The following BCAN variants were observed in gnomAD, a reference collection of about 807,000 sequenced individuals.
BCAN encodes brevican.
A neutral mutation model predicts 92.4 loss-of-function variants in BCAN; 51 were observed. The ratio of observed to expected loss-of-function variants is 0.55; its 90% CI spans 0.44 to 0.70. The LOEUF (loss-of-function observed/expected upper bound fraction) is 0.70, where lower values mean the gene tolerates loss of function less well. Ranked by LOEUF, BCAN falls within the 30% of genes least tolerant of loss-of-function variation. BCAN has a pLI of 0.00. For synonymous variants in BCAN, 501 were observed against 505.2 expected (o/e 0.99, Z 0.11); for missense variants, 1,140 against 1,212.1 (o/e 0.94, Z 0.88).
At chr1:156,651,816 G>A in intron 7 of BCAN, 127 bp downstream of exon 7, 1 of 859,180 alleles carries the variant, frequency 1.2e-6, no homozygotes, top group Non-Finnish European at 1.8e-6. Context: ...AGTAGCTCAG[G>A]GGTGCAGGGC....
At chr1:156,653,221 AC>A in intron 8 of BCAN, 1 of 1,284,744 alleles carries the variant, frequency 7.8e-7, no homozygotes, top group South Asian at 2.6e-5. Context: ...GGTCCTCATC[AC>A]CTATTGCAGC....
At position 156,646,106 on chromosome 1, in the gene BCAN, C is replaced by A; in HGVS notation, c.52C>A (p.Pro18Thr). ...LLAALVLAQA[P>T]AALADVLEGD... ...GGCAGCCCTGGTCCTGGCCCAGGCT[C>A]CTGCAGCTTTAGCAGATGTTCTGGA... is the stretch of plus-strand genomic sequence containing the variant. The change falls in exon 2 of 14, where the codon CCT (proline) becomes ACT (threonine). Residue 18 changes from proline to threonine, a missense_variant. By Grantham distance (38) the Pro-to-Thr change is conservative. Coordinates refer to ENST00000329117, the MANE Select transcript of BCAN (RefSeq NM_021948.5). The A allele has an allele frequency of 1.2e-6, 2 of 1,613,922 alleles. No homozygotes were observed. The highest frequency in any genetic ancestry group is 2.2e-5 in the South Asian group (2 of 91,070).
Position 156,659,152 on chromosome 1 carries a change from A to T in BCAN, c.*18A>T. On this transcript the variant is annotated 3_prime_UTR_variant, in exon 14 of 14. Coordinates refer to ENST00000329117, the MANE Select transcript of BCAN (RefSeq NM_021948.5). ...GTCCCTAGGGGGCAAGGCCTTGAAC[A>T]CTGCCGGCCACAGCACTGCCCTGTC... 6.5e-7 allele frequency: 1 copy of T among 1,536,706 alleles called. No homozygotes were observed. Among genetic ancestry groups the T allele is most frequent in the Non-Finnish European group, 8.8e-7 (1 of 1,140,582 alleles).
chr1:156,652,715 G>A lies in BCAN; in HGVS notation c.1765G>A (p.Glu589Lys), dbSNP rs537017904. The part of the protein sequence containing the change: ...RGESEETGSS[E>K]GAPSLLPATR... ...AGAGAGCGAGGAGACAGGAAGCTCC[G>A]AGGGTGCCCCTTCCCTGCTTCCAGC... Residue 589 changes from glutamate (E) to lysine (K), a missense_variant, in exon 8 of 14, where the codon GAG becomes AAG. Coordinates refer to ENST00000329117, the MANE Select transcript of BCAN (RefSeq NM_021948.5). The A allele has an allele frequency of 9.5e-5, 152 of 1,604,876 alleles. No homozygotes were observed. The highest frequency in any genetic ancestry group is 5.0e-4 in the Middle Eastern group (3 of 5,994).
At position 156,646,971 on chromosome 1, in the gene BCAN, G is replaced by T. The variant is rs138170081; in HGVS notation, c.262G>T (p.Ala88Ser). 1.7e-4 allele frequency: 280 copies of T among 1,612,974 alleles called. 2 individuals are homozygous for T. In the East Asian group the frequency reaches 3.2e-3, roughly 18 times the overall value. ...GACTTTCCTGTCCCGGGGCCGGGAGGCAGAGGTGCTGGTGGCGCGGGGAGT... is the reference window on the plus strand; with the variant it reads ...GACTTTCCTGTCCCGGGGCCGGGAGTCAGAGGTGCTGGTGGCGCGGGGAGT... ...KWTFLSRGRE[A>S]EVLVARGVRV... Residue 88 changes from alanine to serine, a missense_variant, in exon 3 of 14, where the codon GCA (alanine) becomes TCA (serine). Around this residue, in one of 3 missense-constraint regions of BCAN, gnomAD observed 286 missense variants for 284.1 expected, o/e 1.01. Coordinates refer to ENST00000329117, the MANE Select transcript of BCAN (RefSeq NM_021948.5).
Position 156,647,116 on chromosome 1 carries a change from G to A in BCAN, c.407G>A (p.Arg136His). Residue 136 changes from arginine to histidine, a missense_variant, in exon 3 of 14, where the codon CGC (arginine) becomes CAC (histidine). Physicochemically the swap from Arg to His is conservative, Grantham distance 29. Coordinates refer to ENST00000329117, the MANE Select transcript of BCAN (RefSeq NM_021948.5). This position sits in a 1 kb window ranked among gnomAD's most constrained non-coding sequence, Gnocchi z 4.8. Reference sequence around the variant, plus strand: ...CGCCCCAACGACTCAGGTATCTATCGCTGTGAGGTCCAGCACGGCATCGAT... The same window carrying A: ...CGCCCCAACGACTCAGGTATCTATCACTGTGAGGTCCAGCACGGCATCGAT... Reference protein sequence around the residue: ...ELRPNDSGIYRCEVQHGIDDS... With the variant: ...ELRPNDSGIYHCEVQHGIDDS... 1 of 1,598,944 alleles carries A rather than the reference G, an allele frequency of 6.3e-7. No homozygotes were observed.
intron 8 of BCAN, 191 bp downstream of exon 8, chr1:156,653,083 C>G: frequency 6.9e-7 from 1 of 1,443,604 alleles, no homozygotes; most frequent in South Asian, 1.5e-5. Context: ...GGTATCTCAG[C>G]TCTCCGCGTC....
intron 10 of BCAN, 73 bp from the exon 11 acceptor site, chr1:156,657,602 C>A (rs993304081): frequency 7.5e-7 from 1 of 1,333,474 alleles, no homozygotes; most frequent in Non-Finnish European, 1.0e-6. Flanking sequence ...GCAGTCACCG[C>A]AGACCGCCCG....
intron 7 of BCAN, among the ~76,000 whole-genome samples, chr1:156,652,019 T>C (rs1679180707): frequency 6.6e-6 from 1 of 152,194 alleles, no homozygotes; most frequent in African/African-American, 2.4e-5. Context: ...AATGACCATG[T>C]TCTCCGGGGC....
rs771273420 is a variant in BCAN, at chr1:156,657,734, T to C, written c.2269T>C (p.Leu757=). Residue 757 remains leucine (L), a synonymous_variant, in exon 11 of 14, where the codon TTG becomes CTG. Transcript: ENST00000329117. The part of the protein sequence containing the change: ...LNDRTIEGDF[L]WSDGVPLLYE... Reference sequence around the variant, plus strand: ...CGACAGGACCATCGAAGGCGACTTCTTGTGGTCGGATGGCGTCCCCCTGGT... The same window carrying C: ...CGACAGGACCATCGAAGGCGACTTCCTGTGGTCGGATGGCGTCCCCCTGGT... 3 of 1,612,726 alleles carry C rather than the reference T, an allele frequency of 1.9e-6. No homozygotes were observed. The South Asian group carries it at 3.3e-5, about 18-fold the overall frequency.
At chr1:156,657,478 T>C (rs1247985670) in intron 10 of BCAN, 197 bp from the exon 11 acceptor site, 10 of 559,362 alleles carry the variant, frequency 1.8e-5, no homozygotes, top group Non-Finnish European at 1.3e-5. Context: ...TGGGTTGATA[T>C]CTTCCTTATT....
rs144024281 is a variant in BCAN, at chr1:156,651,509, G to T, written c.1117G>T (p.Ala373Ser). 28 of 1,613,884 alleles carry T rather than the reference G, an allele frequency of 1.7e-5. No individual in the cohort carries two copies. The African/African-American group carries it at 3.1e-4, about 18-fold the overall frequency. ...GGCCTCCAACCCAGCCTCCAACCCAGCCTCTGATGGACTAGAGGCTATCGT... is the reference window on the plus strand; with the variant it reads ...GGCCTCCAACCCAGCCTCCAACCCATCCTCTGATGGACTAGAGGCTATCGT... ...PEASNPASNP[A>S]SDGLEAIVTV... The change falls in exon 7 of 14, where the codon GCC (alanine) becomes TCC (serine). Residue 373 changes from alanine to serine, a missense_variant. Transcript: ENST00000329117.
intron 1 of BCAN, among the ~76,000 whole-genome samples, chr1:156,645,247 G>T (rs1441760102): frequency 6.6e-6 from 1 of 152,216 alleles, no homozygotes; most frequent in Non-Finnish European, 1.5e-5. Flanking sequence ...GCTGGATAGA[G>T]GCCAGACTGG....
Position 156,646,932 on chromosome 1 carries a change from C to G in BCAN, c.223C>G (p.Pro75Ala). 3 of 1,612,670 alleles carry G rather than the reference C, an allele frequency of 1.9e-6. No individual in the cohort carries two copies. Among genetic ancestry groups the G allele is most frequent in the Non-Finnish European group, 2.5e-6 (3 of 1,179,604 alleles). ...PPSRRAVLGS[P>A]RVKWTFLSRG... The stretch of plus-strand genomic sequence containing the variant: ...GAGCCGCCGGGCTGTGCTGGGCTCT[C>G]CGCGGGTCAAGTGGACTTTCCTGTC... Residue 75 changes from proline to alanine, a missense_variant, in exon 3 of 14, where the codon CCG becomes GCG. This residue lies in a region of BCAN where 286 missense variants were observed against 284.1 expected (regional missense o/e 1.01). Transcript: ENST00000329117.
chr1:156,648,697 A>T lies in BCAN; in HGVS notation c.899A>T (p.His300Leu). The change falls in exon 6 of 14, where the codon CAC becomes CTC. Residue 300 changes from histidine to leucine, a missense_variant. His to Leu is a moderately conservative substitution (Grantham distance 99). Coordinates refer to ENST00000329117, the MANE Select transcript of BCAN (RefSeq NM_021948.5). ...LYAAWDGGLD[H>L]CSPGWLADGS... ...GCAGCCTGGGATGGTGGCCTGGACC[A>T]CTGCAGCCCAGGGTGGCTAGCTGAT... 1 of 1,613,760 alleles carries T rather than the reference A, an allele frequency of 6.2e-7. No homozygotes were observed. The highest frequency in any genetic ancestry group is 8.5e-7 in the Non-Finnish European group (1 of 1,179,690).
intron 8 of BCAN, chr1:156,653,150 G>A (rs1019666311): frequency 7.2e-7 from 1 of 1,396,788 alleles, no homozygotes; most frequent in Non-Finnish European, 9.2e-7. Context: ...CCTGCCATTG[G>A]GCCCTCCACC....
chr1:156,657,772 T>C lies in BCAN; in HGVS notation c.2292+15T>C. ...GCGTCCCCCTGGTGAGAGGCCCCAG[T>C]CGAACCCCGCCGTCTAGCTCACTTC... On this transcript the variant is annotated intron_variant, in intron 11 of 13. Transcript: ENST00000329117. 2 of 1,603,284 alleles carry C rather than the reference T, an allele frequency of 1.2e-6. No individual in the cohort carries two copies. Among genetic ancestry groups the C allele is most frequent in the South Asian group, 2.2e-5 (2 of 90,666 alleles).
rs1679017229 is a variant in BCAN, at chr1:156,647,292, G to C, written c.466+117G>C. 7.5e-7 allele frequency: 1 copy of C among 1,332,952 alleles called. No individual in the cohort carries two copies. The highest frequency in any genetic ancestry group is 1.0e-6 in the Non-Finnish European group (1 of 996,204). 82.6% of individuals were successfully genotyped at this position (1,332,952 alleles called of 1,614,324 possible). On this transcript the variant is annotated intron_variant, in intron 3 of 13. Coordinates refer to ENST00000329117, the MANE Select transcript of BCAN (RefSeq NM_021948.5). The surrounding 1 kb of genome is among the most constrained non-coding windows in gnomAD (Gnocchi z 4.8). The stretch of plus-strand genomic sequence containing the variant: ...AAGGTAGCTGGAAGGCGCAGCCTGG[G>C]TTGGAAAAAGAGTGAGGAGACACGG...
rs755895867 is a variant in BCAN at position 156,658,354 on chromosome 1, G to C, written c.2437+83G>C. 2.4e-5 allele frequency: 37 copies of C among 1,558,602 alleles called. No homozygotes were observed. The Middle Eastern group carries it at 1.2e-3, about 51-fold the overall frequency. On this transcript the variant is annotated intron_variant, in intron 12 of 13. Transcript: ENST00000329117. This position sits in a 1 kb window ranked among gnomAD's most constrained non-coding sequence, Gnocchi z 4.4. ...AGAGGGACTGATGTTTGTAGACAGA[G>C]AGTGCAAAGCAACATAGAGGAGTCA... is the stretch of plus-strand genomic sequence containing the variant.
Sources: gnomAD v4.1 joint callset for allele counts (sites outside exome capture counted in the v4.1 genomes callset) on GRCh38, gnomAD v4.1.1 for gene constraint, gnomAD v4.1.1 regional missense constraint, Gnocchi (gnomAD v3.1) non-coding constraint, MANE v1.5 for transcripts, NCBI Gene and HGNC (gene_info 2026-07-23, HGNC 2026-07-21) for gene names.